UBE2E2: variants seen among roughly 807,000 people sequenced by gnomAD.
UBE2E2 encodes the protein ubiquitin conjugating enzyme E2 E2.
Under a neutral mutation model 24.7 loss-of-function variants are expected in UBE2E2, and 6 were observed. The observed-to-expected ratio is 0.24, with a 90% CI of 0.13 to 0.48. The LOEUF (loss-of-function observed/expected upper bound fraction) is 0.48, where lower values mean the gene tolerates loss of function less well. Ranked by LOEUF, UBE2E2 falls within the 20% of genes least tolerant of loss-of-function variation. UBE2E2 has a pLI of 0.99. For missense variants in UBE2E2, 169 were observed against 245.0 expected (o/e 0.69, Z 2.07); for synonymous variants, 104 against 83.6 (o/e 1.24, Z -1.33).
At chr3:23,495,575 A>G (rs1699582352) in intron 3 of UBE2E2, among the ~76,000 whole-genome samples, 1 of 152,222 alleles carries the variant, frequency 6.6e-6, no homozygotes, top group African/African-American at 2.4e-5. Context: ...ACCTTGAAGT[A>G]ATGTTGTAAC....
intron 5 of UBE2E2, among the ~76,000 whole-genome samples, chr3:23,537,148 G>A (rs1412552694): frequency 6.6e-6 from 1 of 152,146 alleles, no homozygotes; most frequent in East Asian, 1.9e-4. Flanking sequence ...GGAATCATCT[G>A]GGCTCTGACC....
At chr3:23,475,414 T>G (rs1350530334) in intron 3 of UBE2E2, among the ~76,000 whole-genome samples, 1 of 152,062 alleles carries the variant, frequency 6.6e-6, no homozygotes, top group Non-Finnish European at 1.5e-5. Context: ...AACTCTGAGA[T>G]GTATTACTTC....
At chr3:23,551,571 A>C (rs1232535673) in intron 5 of UBE2E2, among the ~76,000 whole-genome samples, 1 of 152,186 alleles carries the variant, frequency 6.6e-6, no homozygotes, top group Non-Finnish European at 1.5e-5. Context: ...TGTGAGTGGG[A>C]AGTAAGAGAA....
At chr3:23,571,921 C>T (rs978408288) in intron 5 of UBE2E2, among the ~76,000 whole-genome samples, 4 of 152,160 alleles carry the variant, frequency 2.6e-5, no homozygotes, top group African/African-American at 4.8e-5. Context: ...TTCCCACAAA[C>T]GTCCTTTCTC....
At chr3:23,442,982 G>A (rs1698340164) in intron 3 of UBE2E2, among the ~76,000 whole-genome samples, 2 of 152,222 alleles carry the variant, frequency 1.3e-5, no homozygotes, top group Admixed American at 1.3e-4. Context: ...TTGTATATTA[G>A]ATGTATATTA....
At chr3:23,435,713 A>AGAAACTG (rs754253598) in intron 3 of UBE2E2, among the ~76,000 whole-genome samples, 7 of 152,214 alleles carry the variant, frequency 4.6e-5, no homozygotes, top group Non-Finnish European at 1.0e-4. Flanking sequence ...CAAGCTGACA[A>AGAAACTG]GAAACTGAAA....
At chr3:23,535,915 C>A (rs1160591879) in intron 5 of UBE2E2, among the ~76,000 whole-genome samples, 2 of 152,198 alleles carry the variant, frequency 1.3e-5, no homozygotes, top group Non-Finnish European at 2.9e-5. Context: ...GCCACCCAAC[C>A]AGCCAAGCAT....
intron 3 of UBE2E2, among the ~76,000 whole-genome samples, chr3:23,231,554 T>G (rs576196338): frequency 6.6e-6 from 1 of 152,298 alleles, no homozygotes; most frequent in South Asian, 2.1e-4. Flanking sequence ...AATCAGTTCT[T>G]GAAATCATCA....
chr3:23,361,940 T>C (rs547550858), intron 3 of UBE2E2, among the ~76,000 whole-genome samples: 4 of 152,350 alleles, frequency 2.6e-5, no homozygotes, highest in East Asian at 3.9e-4. Flanking sequence ...TATAATCTTA[T>C]GTAATTTAAA....
Position 23,582,866 on chromosome 3 carries a change from T to TGA in UBE2E2, c.509-6867_509-6866insAG, listed in dbSNP as rs371696522. Among the ~76,000 whole-genome samples the TGA allele has an allele frequency of 9.4e-5, 13 of 138,238 alleles. No homozygotes were observed. The East Asian group carries it at 2.5e-3, about 26-fold the overall frequency. The allele number at this position is 138,238 out of a possible 152,430, so 90.7% of individuals were successfully genotyped here. A position where few individuals can be genotyped will look rare whatever the true frequency, so the allele number is the denominator to read the frequency against. ...GTGTCTGTTTATTCTGTTGAGTGTG[T>TGA]GTGTGTGTGTGTGTGTGTGTGTGTG... On this transcript the variant is annotated intron_variant, in intron 5 of 5. Coordinates refer to ENST00000396703, the MANE Select transcript of UBE2E2 (RefSeq NM_152653.4).
chr3:23,426,306 G>A (rs866980044), intron 3 of UBE2E2, among the ~76,000 whole-genome samples: 47 of 151,698 alleles, frequency 3.1e-4, no homozygotes, highest in African/African-American at 1.1e-3. Flanking sequence ...AAGTAAAAAA[G>A]GAAAGGAACA....
chr3:23,325,736 A>G (rs1272527811), intron 3 of UBE2E2, among the ~76,000 whole-genome samples: 1 of 152,242 alleles, frequency 6.6e-6, no homozygotes, highest in African/African-American at 2.4e-5. Flanking sequence ...GAGAAATATA[A>G]TAGTGAATAT....
At chr3:23,298,429 A>G (rs968501903) in intron 3 of UBE2E2, among the ~76,000 whole-genome samples, 2 of 152,192 alleles carry the variant, frequency 1.3e-5, no homozygotes, top group Admixed American at 6.5e-5. Flanking sequence ...TAGGTTTGTC[A>G]TAGATAGCTC....
intron 5 of UBE2E2, among the ~76,000 whole-genome samples, chr3:23,574,750 A>G (rs183097491): frequency 3.9e-5 from 6 of 152,176 alleles, no homozygotes; most frequent in East Asian, 1.9e-4. Context: ...CACTTTCTCA[A>G]TATTTAAGAA....
intron 4 of UBE2E2, among the ~76,000 whole-genome samples, chr3:23,508,553 G>T (rs1353179741): frequency 6.6e-6 from 1 of 152,146 alleles, no homozygotes; most frequent in East Asian, 1.9e-4. Context: ...TAATTTTTCA[G>T]GTTGGATCAA....
intron 3 of UBE2E2, among the ~76,000 whole-genome samples, chr3:23,384,710 T>G (rs1048782290): frequency 2.6e-5 from 4 of 151,728 alleles, no homozygotes; most frequent in African/African-American, 7.3e-5. Flanking sequence ...GCCTGGCTAA[T>G]TTTTGTATTT....
intron 5 of UBE2E2, among the ~76,000 whole-genome samples, chr3:23,568,804 A>C (rs896852706): frequency 6.6e-6 from 1 of 151,176 alleles, no homozygotes; most frequent in Non-Finnish European, 1.5e-5. Flanking sequence ...CTAATGCAGA[A>C]TAAGCTATTC....
chr3:23,400,934 C>T (rs1297753498), intron 3 of UBE2E2, among the ~76,000 whole-genome samples: 1 of 152,120 alleles, frequency 6.6e-6, no homozygotes. Flanking sequence ...TTTGAAGAGA[C>T]AGGCTGTAAT....
intron 3 of UBE2E2, among the ~76,000 whole-genome samples, chr3:23,402,871 G>C (rs1203315810): frequency 1.3e-5 from 2 of 152,168 alleles, no homozygotes; most frequent in African/African-American, 2.4e-5. Context: ...GCCTGTTTGG[G>C]CATCAAACCA....
Sources: allele counts gnomAD v4.1 joint callset (sites outside exome capture counted in the v4.1 genomes callset), GRCh38; gene constraint gnomAD v4.1.1; transcripts MANE v1.5; gene names NCBI Gene and HGNC (gene_info 2026-07-23, HGNC 2026-07-21).